Variants in KIF13B observed in about 807,000 individuals in gnomAD.
KIF13B encodes kinesin family member 13B.
KIF13B carries 127 observed loss-of-function variants against 222.0 expected under a neutral mutation model. That is an observed-to-expected ratio of 0.57 (90% confidence interval 0.50 to 0.66). The LOEUF is 0.66. Among genes scored for constraint, KIF13B ranks in the 30% least tolerant of loss-of-function variants. The pLI is 0.00. For missense variants in KIF13B, 2,173 were observed against 2,379.0 expected, an observed-to-expected ratio of 0.91 and a Z score of 1.80; for synonymous variants, 976 against 919.0, an observed-to-expected ratio of 1.06 and a Z score of -1.12.
At chr8:29,246,331 C>T (rs562347510) in intron 1 of KIF13B, among the ~76,000 whole-genome samples, 1 of 150,690 alleles carries the variant, frequency 6.6e-6, no homozygotes, top group Admixed American at 6.7e-5. Context: ...GAGCTGAGAT[C>T]GTGCCACTGC....
At chr8:29,210,320 G>T (rs2130469463) in intron 2 of KIF13B, among the ~76,000 whole-genome samples, 1 of 152,276 alleles carries the variant, frequency 6.6e-6, no homozygotes, top group African/African-American at 2.4e-5. Flanking sequence ...CAGCCCTACA[G>T]ATCTACTCAC....
rs371829685 is a variant in KIF13B, at chr8:29,165,677, C to T, written c.1254G>A (p.Thr418=). 5.6e-6 allele frequency: 9 copies of T among 1,610,016 alleles called. No homozygotes were observed. Among genetic ancestry groups the T allele is most frequent in the African/African-American group, 1.3e-5 (1 of 74,808 alleles). ...TVTWEEKLRK[T]EEIAQERQKQ... ...AAACACGAACCTGTGCAATCTCCTC[C>T]GTTTTCCTTAATTTCTCCTCCCAGG... is the stretch of plus-strand genomic sequence containing the variant. The change falls in exon 12 of 40, where the codon ACG becomes ACA. Residue 418 remains threonine (T), a synonymous_variant. Coordinates refer to ENST00000524189, the MANE Select transcript of KIF13B (RefSeq NM_015254.4).
At chr8:29,237,254 T>C (rs1370930817) in intron 2 of KIF13B, among the ~76,000 whole-genome samples, 4 of 151,728 alleles carry the variant, frequency 2.6e-5, no homozygotes, top group African/African-American at 9.7e-5. Context: ...GCTAAAAAAG[T>C]ACTGTCAAAA....
In KIF13B at chr8:29,160,704, G is replaced by C. The variant is rs1811737776; in HGVS notation, c.1404+29C>G. The stretch of plus-strand genomic sequence containing the variant: ...GAAATATTGTCCTATTTTGTAACAA[G>C]AATCTAGTAGCAAAGCACATTACTT... On this transcript the variant is annotated intron_variant, in intron 13 of 39. Transcript: ENST00000524189. 1.9e-6 allele frequency: 3 copies of C among 1,596,456 alleles called. No individual in the cohort carries two copies. The African/African-American group carries it at 4.0e-5, about 21-fold the overall frequency.
At chr8:29,165,566 C>T in intron 12 of KIF13B, 96 bp downstream of exon 12, 1 of 731,696 alleles carries the variant, frequency 1.4e-6, no homozygotes, top group South Asian at 1.8e-5. Flanking sequence ...TTGCCATCAG[C>T]CAAGCTGAAG....
intron 2 of KIF13B, among the ~76,000 whole-genome samples, chr8:29,244,152 T>G (rs1367183646): frequency 6.6e-6 from 1 of 152,144 alleles, no homozygotes; most frequent in African/African-American, 2.4e-5. Flanking sequence ...TAGCTGGGAC[T>G]ACAGGCGCCC....
At chr8:29,169,771 T>C (rs1185667045) in intron 10 of KIF13B, among the ~76,000 whole-genome samples, 1 of 152,194 alleles carries the variant, frequency 6.6e-6, no homozygotes, top group Non-Finnish European at 1.5e-5. Flanking sequence ...AAGAGTCCCA[T>C]GAACATGAAT....
At chr8:29,218,196 C>G (rs945377918) in intron 2 of KIF13B, among the ~76,000 whole-genome samples, 14 of 152,192 alleles carry the variant, frequency 9.2e-5, no homozygotes, top group Non-Finnish European at 1.8e-4. Flanking sequence ...TGCCTCCACA[C>G]CAGCTCCTGC....
chr8:29,181,310 T>C (rs532043416), intron 7 of KIF13B, among the ~76,000 whole-genome samples: 2 of 152,318 alleles, frequency 1.3e-5, no homozygotes, highest in South Asian at 4.1e-4. Flanking sequence ...TTCTTTTCCA[T>C]GAAAAGCCTT....
chr8:29,070,839 G>A lies in KIF13B; in HGVS notation c.5219-73C>T. 1 of 1,507,472 alleles carries A rather than the reference G, an allele frequency of 6.6e-7. No homozygotes were observed. The allele number at this position is 1,507,472 out of a possible 1,614,324, so 93.4% of individuals were successfully genotyped here. ...GGCCCCCTGCACCTCCCTTACCTCT[G>A]CAGAGGCCATGTGCCCACACTGCCA... On this transcript the variant is annotated intron_variant, in intron 39 of 39. Transcript: ENST00000524189. The surrounding 1 kb of genome is among the most constrained non-coding windows in gnomAD (Gnocchi z 4.1).
At chr8:29,214,979 C>G (rs1481267221) in intron 2 of KIF13B, among the ~76,000 whole-genome samples, 2 of 152,186 alleles carry the variant, frequency 1.3e-5, no homozygotes, top group African/African-American at 4.8e-5. Context: ...ATATTTACCT[C>G]TAAATAATAC....
At chr8:29,116,295 C>T (rs1349993246) in intron 31 of KIF13B, among the ~76,000 whole-genome samples, 1 of 152,198 alleles carries the variant, frequency 6.6e-6, no homozygotes, top group Non-Finnish European at 1.5e-5. Flanking sequence ...TGGCGAGACC[C>T]CGTCTCCATA....
intron 7 of KIF13B, among the ~76,000 whole-genome samples, chr8:29,180,747 A>G (rs1050101572): frequency 3.3e-5 from 5 of 152,062 alleles, no homozygotes; most frequent in Non-Finnish European, 7.3e-5. Flanking sequence ...TTGATTTACC[A>G]CTTGGTTGCT....
intron 13 of KIF13B, 36 bp downstream of exon 13, chr8:29,160,697 G>T (rs1179672521): frequency 6.3e-7 from 1 of 1,588,200 alleles, no homozygotes; most frequent in Non-Finnish European, 8.6e-7. Context: ...GTCCTATTTT[G>T]TAACAAGAAT....
At chr8:29,088,902 T>C (rs1016338574) in intron 37 of KIF13B, among the ~76,000 whole-genome samples, 2 of 152,246 alleles carry the variant, frequency 1.3e-5, no homozygotes, top group Non-Finnish European at 2.9e-5. Context: ...CTCACAGAGC[T>C]TTAGTAGAGA....
chr8:29,084,299 G>A (rs1807945050), intron 37 of KIF13B, among the ~76,000 whole-genome samples: 1 of 152,230 alleles, frequency 6.6e-6, no homozygotes, highest in African/African-American at 2.4e-5. Flanking sequence ...AATCAAAGAA[G>A]TATGTTAGCT....
chr8:29,099,040 G>A, intron 36 of KIF13B, 93 bp downstream of exon 36: 2 of 968,094 alleles, frequency 2.1e-6, no homozygotes, highest in Admixed American at 3.4e-5. Context: ...TTATCTAGCA[G>A]AACAGTGGCT....
chr8:29,185,502 ATCAAT>A (rs1324669471), intron 6 of KIF13B, among the ~76,000 whole-genome samples: 1 of 152,248 alleles, frequency 6.6e-6, no homozygotes, highest in African/African-American at 2.4e-5. Context: ...AGCACTGAGC[ATCAAT>A]TCAATCTCCC....
At chr8:29,180,380 T>A in intron 7 of KIF13B, 142 bp from the exon 8 acceptor site, 1 of 853,334 alleles carries the variant, frequency 1.2e-6, no homozygotes, top group South Asian at 1.6e-5. Context: ...CAATGAATAT[T>A]GAGCCCCATG....
Sources: allele counts gnomAD v4.1 joint callset (sites outside exome capture counted in the v4.1 genomes callset), GRCh38; gene constraint gnomAD v4.1.1; non-coding constraint Gnocchi (gnomAD v3.1); transcripts MANE v1.5; gene names NCBI Gene and HGNC (gene_info 2026-07-23, HGNC 2026-07-21).